OPCML: variants seen among roughly 807,000 people sequenced by gnomAD.
OPCML encodes the protein opioid binding protein/cell adhesion molecule like, also known as opioid-binding protein/cell adhesion molecule.
Under a neutral mutation model 37.8 loss-of-function variants are expected in OPCML, and 13 were observed. The ratio of observed to expected loss-of-function variants is 0.34; its 90% CI spans 0.22 to 0.55. The LOEUF (loss-of-function observed/expected upper bound fraction) is 0.55. Among genes scored for constraint, OPCML ranks in the 20% least tolerant of loss-of-function variants. OPCML has a pLI of 0.91. For missense variants in OPCML, 341 were observed against 435.6 expected, an observed-to-expected ratio of 0.78 and a Z score of 1.93; for synonymous variants, 176 against 168.8, an observed-to-expected ratio of 1.04 and a Z score of -0.33.
intron 3 of OPCML, among the ~76,000 whole-genome samples, chr11:132,632,770 A>C (rs1295790194): frequency 6.6e-6 from 1 of 152,078 alleles, no homozygotes; most frequent in Non-Finnish European, 1.5e-5. Flanking sequence ...AAACTATGCA[A>C]ATGTGGCCAT....
chr11:133,300,572 G>A (rs1592180728), intron 1 of OPCML: 3 of 152,160 alleles, frequency 2.0e-5, no homozygotes, highest in Admixed American at 6.6e-5. Context: ...TCCTGATGAG[G>A]TGTCTAATTT....
chr11:132,715,288 C>T (rs991053351), intron 2 of OPCML, among the ~76,000 whole-genome samples: 1 of 152,224 alleles, frequency 6.6e-6, no homozygotes, highest in Non-Finnish European at 1.5e-5. Flanking sequence ...TACCAAGTGT[C>T]ATATTAAATG....
chr11:133,460,302 T>G (rs1946829014), intron 1 of OPCML, among the ~76,000 whole-genome samples: 2 of 151,860 alleles, frequency 1.3e-5, no homozygotes, highest in South Asian at 2.1e-4. Flanking sequence ...TAACTTTATA[T>G]TTTTGGAAAC....
intron 2 of OPCML, among the ~76,000 whole-genome samples, chr11:132,889,706 A>G (rs538878911): frequency 1.3e-5 from 2 of 152,332 alleles, no homozygotes; most frequent in South Asian, 4.1e-4. Context: ...TCTGGATCTA[A>G]GAAAGGTAGC....
intron 3 of OPCML, among the ~76,000 whole-genome samples, chr11:132,654,323 C>T (rs373287540): frequency 1.3e-5 from 2 of 152,286 alleles, no homozygotes; most frequent in African/African-American, 4.8e-5. Context: ...AATGTCCTCC[C>T]GAAGAGAAGA....
intron 2 of OPCML, among the ~76,000 whole-genome samples, chr11:132,834,501 T>A (rs931055802): frequency 7.9e-5 from 12 of 152,188 alleles, no homozygotes; most frequent in Non-Finnish European, 1.5e-4. Flanking sequence ...CTGAAGCCTC[T>A]AGGGGAGGGT....
intron 1 of OPCML, among the ~76,000 whole-genome samples, chr11:132,954,714 G>A (rs1945941025): frequency 6.6e-6 from 1 of 152,154 alleles, no homozygotes; most frequent in Non-Finnish European, 1.5e-5. Flanking sequence ...TGCATACATG[G>A]GAGCTGAAGC....
intron 1 of OPCML, among the ~76,000 whole-genome samples, chr11:133,110,414 G>C (rs1949231633): frequency 6.6e-6 from 1 of 152,140 alleles, no homozygotes; most frequent in Non-Finnish European, 1.5e-5. Context: ...CATGAACTTG[G>C]GAACTTGCTT....
At chr11:132,735,891 C>T (rs147322326) in intron 2 of OPCML, among the ~76,000 whole-genome samples, 1 of 152,024 alleles carries the variant, frequency 6.6e-6, no homozygotes, top group Admixed American at 6.6e-5. Flanking sequence ...ATCCAAGAAG[C>T]AGCTGGAAAA....
rs1939423885 is a variant in OPCML, at chr11:133,212,872, CCA to C, written c.62-269864_62-269863del. On this transcript the variant is annotated intron_variant, in intron 1 of 7. Coordinates refer to ENST00000524381, the MANE Select transcript of OPCML (RefSeq NM_001012393.5). The surrounding 1 kb of genome is among the most constrained non-coding windows in gnomAD (Gnocchi z 4.9). ...GTATGGGTTTCCATACTCTAAAATT[CCA>C]CGTTTGTATCTGCGTCATGCCGTTA... 1.3e-5 allele frequency among the ~76,000 whole-genome samples: 2 copies of C among 152,284 alleles called. No individual in the cohort carries two copies. Among genetic ancestry groups the C allele is most frequent in the South Asian group, 4.2e-4 (2 of 4,814 alleles).
Position 133,128,014 on chromosome 11 carries a change from A to G in OPCML, c.62-185004T>C, listed in dbSNP as rs6590682. 5.6e-3 allele frequency among the ~76,000 whole-genome samples: 847 copies of G among 152,220 alleles called. 8 individuals carry two copies. Among genetic ancestry groups the G allele is most frequent in the African/African-American group, 0.02 (827 of 41,548 alleles). On this transcript the variant is annotated intron_variant, in intron 1 of 7. Transcript: ENST00000524381. ...GCGGTTCAGGCACCCATCAGTCCAC[A>G]TCACCACAGCATGACTGTTTTCCCT...
At chr11:132,599,329 A>G (rs567455336) in intron 3 of OPCML, among the ~76,000 whole-genome samples, 13 of 147,664 alleles carry the variant, frequency 8.8e-5, no homozygotes, top group Admixed American at 6.1e-4. Context: ...GGAGGAGAAG[A>G]AGGAGGAGGA....
At chr11:133,240,809 T>G (rs1940701820) in intron 1 of OPCML, among the ~76,000 whole-genome samples, 1 of 152,294 alleles carries the variant, frequency 6.6e-6, no homozygotes, top group African/African-American at 2.4e-5. Context: ...ACATCCCAAA[T>G]CGTTAGACTT....
At chr11:133,104,126 C>T (rs1949123694) in intron 1 of OPCML, among the ~76,000 whole-genome samples, 1 of 152,220 alleles carries the variant, frequency 6.6e-6, no homozygotes, top group African/African-American at 2.4e-5. Flanking sequence ...TTAGACAGCT[C>T]CACATGTCCA....
chr11:132,477,038 G>T (rs1442738286), intron 4 of OPCML, among the ~76,000 whole-genome samples: 2 of 152,040 alleles, frequency 1.3e-5, no homozygotes, highest in Non-Finnish European at 2.9e-5. Flanking sequence ...ACTTATCTTT[G>T]GGCTTTTATA....
intron 3 of OPCML, among the ~76,000 whole-genome samples, chr11:132,637,704 G>T (rs139991369): frequency 6.6e-6 from 1 of 151,936 alleles, no homozygotes; most frequent in Non-Finnish European, 1.5e-5. Context: ...ATTCCCTCAG[G>T]CATTAATTAA....
chr11:133,464,891 C>A (rs916718729), intron 1 of OPCML, among the ~76,000 whole-genome samples: 2 of 152,106 alleles, frequency 1.3e-5, no homozygotes, highest in African/African-American at 2.4e-5. Flanking sequence ...AGGCCTTGAT[C>A]TCAAGGCCCT....
At chr11:132,896,462 C>T (rs73043123) in intron 2 of OPCML, among the ~76,000 whole-genome samples, 4,032 of 152,290 alleles carry the variant, frequency 0.026, 77 homozygotes, top group Middle Eastern at 0.058. Context: ...GGCACTCAAC[C>T]GTCAAAGACA....
At chr11:133,190,031 A>G (rs1465619533) in intron 1 of OPCML, among the ~76,000 whole-genome samples, 1 of 152,188 alleles carries the variant, frequency 6.6e-6, no homozygotes, top group Non-Finnish European at 1.5e-5. Context: ...GGACTTTACC[A>G]CTTCCATATA....
Sources: gnomAD v4.1 joint callset for allele counts (sites outside exome capture counted in the v4.1 genomes callset) on GRCh38, gnomAD v4.1.1 for gene constraint, Gnocchi (gnomAD v3.1) non-coding constraint, MANE v1.5 for transcripts, NCBI Gene and HGNC (gene_info 2026-07-23, HGNC 2026-07-21) for gene names.